SHANK2: variants seen among roughly 807,000 people sequenced by gnomAD.
SHANK2 encodes the protein SH3 and multiple ankyrin repeat domains 2.
Under a neutral mutation model 133.7 loss-of-function variants are expected in SHANK2, and 43 were observed. The observed-to-expected ratio is 0.32, with a 90% CI of 0.25 to 0.41. SHANK2 has a LOEUF of 0.41. Ranked by LOEUF, SHANK2 falls within the 10% of genes least tolerant of loss-of-function variation. The pLI is 1.00. For missense variants in SHANK2, 1,994 were observed against 2,235.8 expected (o/e 0.89, Z 2.18); for synonymous variants, 1,017 against 952.8 (o/e 1.07, Z -1.24).
At chr11:71,087,939 A>AT (rs1328817795) in intron 8 of SHANK2, among the ~76,000 whole-genome samples, 1 of 152,094 alleles carries the variant, frequency 6.6e-6, no homozygotes, top group Non-Finnish European at 1.5e-5. Context: ...GCATTTGACT[A>AT]TTTTTACAAA....
intron 8 of SHANK2, among the ~76,000 whole-genome samples, chr11:71,086,827 C>T (rs1195896998): frequency 7.2e-5 from 11 of 152,152 alleles, no homozygotes; most frequent in Non-Finnish European, 2.9e-5. Context: ...TTATCTGCTC[C>T]GTCCCTTATC....
rs1555159116 is a variant in SHANK2 at position 70,502,788 on chromosome 11, G to C, written c.2197+8C>G. The C allele has an allele frequency of 3.1e-6, 5 of 1,609,084 alleles. No individual in the cohort carries two copies. Among genetic ancestry groups the C allele is most frequent in the Non-Finnish European group, 4.2e-6 (5 of 1,178,990 alleles). ...CCAGGCTGGAGCTGGGCGATGTGGG[G>C]CATGTACCTTTCTTCCTGGCGGTGT... On this transcript the variant is annotated splice_region_variant and intron_variant, in intron 18 of 25. Transcript: ENST00000601538.
At chr11:71,093,143 G>C (rs988803647) in intron 7 of SHANK2, among the ~76,000 whole-genome samples, 25 of 151,470 alleles carry the variant, frequency 1.7e-4, no homozygotes, top group South Asian at 6.3e-4. Context: ...GCTGACATTT[G>C]GGAGACGAGG....
At chr11:70,580,341 C>T (rs1259387929) in intron 17 of SHANK2, among the ~76,000 whole-genome samples, 1 of 152,214 alleles carries the variant, frequency 6.6e-6, no homozygotes, top group Non-Finnish European at 1.5e-5. Context: ...CAGCCCTGTA[C>T]CCCAAATGGC....
chr11:71,092,757 C>A (rs891604909), intron 7 of SHANK2, among the ~76,000 whole-genome samples, 168 bp from the exon 8 acceptor site: 1 of 152,144 alleles, frequency 6.6e-6, no homozygotes, highest in African/African-American at 2.4e-5. Context: ...AGGGTATAAC[C>A]TGGCCGGGTG....
At chr11:70,527,569 G>A (rs2059414736) in intron 17 of SHANK2, among the ~76,000 whole-genome samples, 1 of 152,194 alleles carries the variant, frequency 6.6e-6, no homozygotes, top group Non-Finnish European at 1.5e-5. Context: ...CCTGGAGATG[G>A]CACTGATGGT....
chr11:71,189,716 C>T (rs1033056654), intron 2 of SHANK2, among the ~76,000 whole-genome samples: 1 of 152,242 alleles, frequency 6.6e-6, no homozygotes, highest in Non-Finnish European at 1.5e-5. Context: ...ACCATGAGCC[C>T]ACCAACACTC....
chr11:70,814,655 G>A (rs1022454465), intron 12 of SHANK2, among the ~76,000 whole-genome samples: 14 of 152,242 alleles, frequency 9.2e-5, no homozygotes, highest in Non-Finnish European at 1.6e-4. Flanking sequence ...GGGTCCTGCC[G>A]GGGTCCAGCC....
chr11:71,119,038 A>G lies in SHANK2; in HGVS notation c.208-6T>C. The G allele has an allele frequency of 1.3e-6, 2 of 1,551,544 alleles. No individual in the cohort carries two copies. The highest frequency in any genetic ancestry group is 1.7e-6 in the Non-Finnish European group (2 of 1,146,878). The stretch of plus-strand genomic sequence containing the variant: ...GGGTTAAATCGAATGCATTTCTGCC[A>G]GGAAGGACAAAGACAGCTGATGAGT... On this transcript the variant is annotated splice_region_variant and splice_polypyrimidine_tract_variant and intron_variant, in intron 3 of 25. Transcript: ENST00000601538.
At chr11:70,675,783 G>T (rs1565233224) in intron 15 of SHANK2, among the ~76,000 whole-genome samples, 1 of 152,210 alleles carries the variant, frequency 6.6e-6, no homozygotes, top group Non-Finnish European at 1.5e-5. Flanking sequence ...CAAATGCTGG[G>T]CTGGGTAATG....
At position 70,473,254 on chromosome 11, in the gene SHANK2, A is replaced by G. The variant is rs782440580; in HGVS notation, c.5165T>C (p.Leu1722Pro). The change falls in exon 26 of 26, where the codon CTG becomes CCG. Residue 1722 changes from leucine (L) to proline (P), a missense_variant. Coordinates refer to ENST00000601538, the MANE Select transcript of SHANK2 (RefSeq NM_012309.5). This position sits in a 1 kb window ranked among gnomAD's most constrained non-coding sequence, Gnocchi z 5.9. Reference sequence around the variant, plus strand: ...GGTGGCAGCAGACAGGGGGGCGGGCAGGGTCTCTTTGTTCATCTCTGTTGG... The same window carrying G: ...GGTGGCAGCAGACAGGGGGGCGGGCGGGGTCTCTTTGTTCATCTCTGTTGG... ...VSPTEMNKET[L>P]PAPLSAATAS... is the part of the protein sequence containing the mutation. 16 of 1,610,670 alleles carry G rather than the reference A, an allele frequency of 9.9e-6. No homozygotes were observed. Among genetic ancestry groups the G allele is most frequent in the Admixed American group, 5.0e-5 (3 of 59,930 alleles).
At chr11:70,552,753 G>A (rs1248083374) in intron 17 of SHANK2, among the ~76,000 whole-genome samples, 1 of 152,126 alleles carries the variant, frequency 6.6e-6, no homozygotes, top group Non-Finnish European at 1.5e-5. Context: ...CAGCTGCATC[G>A]GGACGTTTTC....
chr11:71,079,923 A>AGGGGAGGGGAAGGAAGGGGG (rs1289259743), intron 8 of SHANK2, among the ~76,000 whole-genome samples: 1 of 80,794 alleles, frequency 1.2e-5, no homozygotes, highest in African/African-American at 4.9e-5. Context: ...AAGGAAGGGG[A>AGGGGAGGGGAAGGAAGGGGG]GGGAAGGAGA....
In SHANK2 at chr11:70,807,084, G is replaced by A. The variant is rs1425496475; in HGVS notation, c.1581C>T (p.Pro527=). 18 of 717,882 alleles carry A rather than the reference G, an allele frequency of 2.5e-5. No individual in the cohort carries two copies. The highest frequency in any genetic ancestry group is 1.2e-4 in the Admixed American group (6 of 49,966). The allele number at this position is 717,882 out of a possible 1,614,324, so 44.5% of individuals were successfully genotyped here. The change falls in exon 13 of 26, where the codon CCC becomes CCT. Residue 527 remains proline (P), a synonymous_variant. Coordinates refer to ENST00000601538, the MANE Select transcript of SHANK2 (RefSeq NM_012309.5). The surrounding 1 kb of genome is among the most constrained non-coding windows in gnomAD (Gnocchi z 4.8). The part of the protein sequence containing the change: ...GPKRKLYSAV[P]GRLFVAVKPY... ...GCTTGACAGCGACGAAGAGCCTCCC[G>A]GGCACGGCACTGTAGAGCTTCCGCT...
intron 17 of SHANK2, among the ~76,000 whole-genome samples, chr11:70,590,575 G>GAGCGGCAATCACCGCTC (rs2060308717): frequency 6.6e-6 from 1 of 152,216 alleles, no homozygotes; most frequent in African/African-American, 2.4e-5. Flanking sequence ...GCTCTCATCA[G>GAGCGGCAATCACCGCTC]TCAGCAGCCA....
At chr11:70,815,175 AACACACACACACACACAC>A (rs61610592) in intron 12 of SHANK2, among the ~76,000 whole-genome samples, 2,759 of 119,682 alleles carry the variant, frequency 0.023, 114 homozygotes, top group African/African-American at 0.077. Context: ...TGGGAGAAGA[AACACACACACACACACAC>A]ACACACACAC....
At chr11:70,665,678 C>T (rs1944666723) in intron 15 of SHANK2, among the ~76,000 whole-genome samples, 1 of 152,158 alleles carries the variant, frequency 6.6e-6, no homozygotes, top group African/African-American at 2.4e-5. Context: ...GAATTTCAAC[C>T]CAGACATTGA....
At chr11:70,580,269 C>T (rs980571243) in intron 17 of SHANK2, among the ~76,000 whole-genome samples, 3 of 148,330 alleles carry the variant, frequency 2.0e-5, no homozygotes, top group African/African-American at 7.6e-5. Context: ...TGAGGCACAG[C>T]GCAGCCTTAC....
At chr11:71,092,080 G>C (rs572856882) in intron 8 of SHANK2, among the ~76,000 whole-genome samples, 5 of 152,114 alleles carry the variant, frequency 3.3e-5, no homozygotes, top group African/African-American at 1.2e-4. Flanking sequence ...CTGTCAGGAC[G>C]GTGGGAACTT....
Sources: allele counts gnomAD v4.1 joint callset (sites outside exome capture counted in the v4.1 genomes callset), GRCh38; gene constraint gnomAD v4.1.1; non-coding constraint Gnocchi (gnomAD v3.1); transcripts MANE v1.5; gene names NCBI Gene and HGNC (gene_info 2026-07-23, HGNC 2026-07-21).